MTG1: variants seen among roughly 807,000 people sequenced by gnomAD.
MTG1 encodes the protein mitochondrial ribosome-associated GTPase 1.
In MTG1, 30 loss-of-function variants were observed where a neutral mutation model predicts 39.5. The ratio of observed to expected loss-of-function variants is 0.76; its 90% CI spans 0.57 to 1.03. The LOEUF (loss-of-function observed/expected upper bound fraction) is 1.03, where lower values mean the gene tolerates loss of function less well. Among genes scored for constraint, MTG1 ranks in the 50% least tolerant of loss-of-function variants. The probability of loss-of-function intolerance (pLI) is 0.00; values close to 1 mark genes in which losing one functional copy is unlikely to be tolerated. For synonymous variants in MTG1, 217 were observed against 179.0 expected, an observed-to-expected ratio of 1.21 and a Z score of -1.69; for missense variants, 513 against 447.4, an observed-to-expected ratio of 1.15 and a Z score of -1.32.
At position 133,398,544 on chromosome 10, in the gene MTG1, C is replaced by G. The variant is rs189780238; in HGVS notation, c.363+29C>G. The stretch of plus-strand genomic sequence containing the variant: ...GGCTTTTCGTCTGTGCTCTCTCTGA[C>G]GCTTCTGCTTCAGTAGGTTCGAGGA... On this transcript the variant is annotated intron_variant, in intron 4 of 10. Transcript: ENST00000317502. 6.0e-5 allele frequency: 96 copies of G among 1,595,194 alleles called. No individual in the cohort carries two copies. The Admixed American group carries it at 1.7e-3, about 28-fold the overall frequency.
chr10:133,411,006 C>T (rs1029781157), intron 9 of MTG1, among the ~76,000 whole-genome samples: 1 of 152,184 alleles, frequency 6.6e-6, no homozygotes, highest in African/African-American at 2.4e-5. Flanking sequence ...TGAATGAATG[C>T]ACACCACATT....
intron 9 of MTG1, among the ~76,000 whole-genome samples, chr10:133,416,035 C>A (rs1348284180): frequency 7.5e-6 from 1 of 133,146 alleles, no homozygotes; most frequent in Non-Finnish European, 1.5e-5. Flanking sequence ...GTCGGGCAGG[C>A]GGGCGTCGGG....
chr10:133,409,109 C>T (rs1850009075), intron 9 of MTG1, among the ~76,000 whole-genome samples: 1 of 151,284 alleles, frequency 6.6e-6, no homozygotes, highest in Admixed American at 6.6e-5. Flanking sequence ...TCTCACTTTT[C>T]TGGTGCCTTG....
At chr10:133,399,685 C>T (rs1458244245) in intron 6 of MTG1, 66 bp downstream of exon 6, 2 of 1,528,526 alleles carry the variant, frequency 1.3e-6, no homozygotes, top group Non-Finnish European at 1.8e-6. Flanking sequence ...GTGCTGATGC[C>T]ACCATCTTTC....
intron 9 of MTG1, among the ~76,000 whole-genome samples, chr10:133,414,575 G>C (rs10745300): frequency 0.45 from 68,241 of 150,508 alleles, 17,111 homozygotes; most frequent in African/African-American, 0.69. Flanking sequence ...GATGGGCGGC[G>C]GGGCAGAGAC....
At position 133,420,083 on chromosome 10, in the gene MTG1, C is replaced by T. The variant is rs1564824624; in HGVS notation, c.923C>T (p.Thr308Ile). ...GCGGCAGCCCGTGACTTCCTGCAGA[C>T]TTTCCGCCGTGGGCTGCTGGGTTCC... ...YPAAARDFLQ[T>I]FRRGLLGSVM... The change falls in exon 11 of 11, where the codon ACT (threonine) becomes ATT (isoleucine). Residue 308 changes from threonine to isoleucine, a missense_variant. Transcript: ENST00000317502. 1.9e-6 allele frequency: 3 copies of T among 1,613,612 alleles called. No homozygotes were observed. The highest frequency in any genetic ancestry group is 3.3e-5 in the Admixed American group (2 of 59,978).
At chr10:133,411,038 T>C (rs924635146) in intron 9 of MTG1, among the ~76,000 whole-genome samples, 2 of 152,262 alleles carry the variant, frequency 1.3e-5, no homozygotes, top group Non-Finnish European at 2.9e-5. Flanking sequence ...TCTGAGTCTG[T>C]GTGTTTACTT....
intron 6 of MTG1, 172 bp downstream of exon 6, chr10:133,399,791 C>A: frequency 1.7e-6 from 1 of 578,944 alleles, no homozygotes; most frequent in African/African-American, 1.9e-5. Context: ...CACAGGAGGG[C>A]TGAACAGTGG....
intron 9 of MTG1, among the ~76,000 whole-genome samples, chr10:133,418,098 G>C (rs905060868): frequency 6.6e-6 from 1 of 152,188 alleles, no homozygotes; most frequent in African/African-American, 2.4e-5. Flanking sequence ...CCACCTCCTG[G>C]GTTCAAGCGA....
intron 4 of MTG1, 81 bp from the exon 5 acceptor site, chr10:133,399,089 C>T: frequency 6.8e-7 from 1 of 1,467,708 alleles, no homozygotes; most frequent in Admixed American, 1.7e-5. Flanking sequence ...ATCCCTAATC[C>T]TGTTCTGAGG....
intron 9 of MTG1, among the ~76,000 whole-genome samples, chr10:133,409,838 C>T (rs1352169437): frequency 6.7e-6 from 1 of 149,206 alleles, no homozygotes; most frequent in Non-Finnish European, 1.5e-5. Flanking sequence ...GCTGCTCCTG[C>T]TCTTTATACA....
chr10:133,407,409 C>T (rs1208371476), intron 9 of MTG1, among the ~76,000 whole-genome samples: 2 of 152,116 alleles, frequency 1.3e-5, no homozygotes, highest in Admixed American at 1.3e-4. Context: ...ATTCTTCTGA[C>T]TGATAAGCAT....
intron 9 of MTG1, among the ~76,000 whole-genome samples, chr10:133,403,873 C>T (rs1849926190): frequency 6.6e-6 from 1 of 152,030 alleles, no homozygotes; most frequent in South Asian, 2.1e-4. Context: ...AAGGTAGTTA[C>T]ACTGTTTTAT....
Position 133,399,608 on chromosome 10 carries a change from A to C in MTG1, c.500A>C (p.His167Pro). Residue 167 changes from histidine (H) to proline (P), a missense_variant, in exon 6 of 11, where the codon CAC becomes CCC. Physicochemically the swap from His to Pro is moderately conservative, Grantham distance 77. Coordinates refer to ENST00000317502, the MANE Select transcript of MTG1 (RefSeq NM_138384.4). ...SSLINSLRRQHLRKGKATRVG... is the reference protein window; with the variant it reads ...SSLINSLRRQPLRKGKATRVG... The stretch of plus-strand genomic sequence containing the variant: ...CTCATCAACTCCCTCCGGAGGCAGC[A>C]CCTCAGGAAAGGTACTGGCGCGTGC... 1 of 1,613,552 alleles carries C rather than the reference A, an allele frequency of 6.2e-7. No individual in the cohort carries two copies. The highest frequency in any genetic ancestry group is 8.5e-7 in the Non-Finnish European group (1 of 1,179,858).
intron 4 of MTG1, among the ~76,000 whole-genome samples, chr10:133,398,932 A>G (rs1400391604): frequency 1.3e-5 from 2 of 152,112 alleles, no homozygotes; most frequent in Non-Finnish European, 2.9e-5. Flanking sequence ...TGTGACCTGG[A>G]CAGAACTCCA....
chr10:133,418,351 C>T (rs1431581586), intron 9 of MTG1, among the ~76,000 whole-genome samples: 2 of 152,006 alleles, frequency 1.3e-5, no homozygotes, highest in Non-Finnish European at 2.9e-5. Context: ...TGATGGATAT[C>T]TACATTCCTG....
Position 133,394,207 on chromosome 10 carries a change from G to C in MTG1, c.-14G>C, listed in dbSNP as rs905801821. The stretch of plus-strand genomic sequence containing the variant: ...GAGGTCAGCTGCGGGAGCGTTTCCG[G>C]GGACGGTGCCGCCATGAGATTGACC... On this transcript the variant is annotated 5_prime_UTR_variant, in exon 1 of 11. Transcript: ENST00000317502. The C allele has an allele frequency of 6.0e-6, 9 of 1,509,046 alleles. No individual in the cohort carries two copies. Among genetic ancestry groups the C allele is most frequent in the Non-Finnish European group, 7.9e-6 (9 of 1,132,638 alleles). The allele number at this position is 1,509,046 out of a possible 1,614,324, so 93.5% of individuals were successfully genotyped here.
chr10:133,409,984 A>G (rs1317902455), intron 9 of MTG1, among the ~76,000 whole-genome samples: 4 of 151,342 alleles, frequency 2.6e-5, no homozygotes, highest in Non-Finnish European at 5.9e-5. Flanking sequence ...TTTATAGGTA[A>G]AGTCGGTTTC....
intron 2 of MTG1, 39 bp from the exon 3 acceptor site, chr10:133,396,124 G>T: frequency 6.3e-7 from 1 of 1,596,156 alleles, no homozygotes; most frequent in Non-Finnish European, 8.6e-7. Context: ...TTGGTTGGCT[G>T]GTAAAGCTTT....
Sources: gnomAD v4.1 joint callset for allele counts (sites outside exome capture counted in the v4.1 genomes callset) on GRCh38, gnomAD v4.1.1 for gene constraint, MANE v1.5 for transcripts, NCBI Gene and HGNC (gene_info 2026-07-23, HGNC 2026-07-21) for gene names.